The following SLC9A9 variants were observed in gnomAD, a reference collection of about 807,000 sequenced individuals.
The protein encoded by SLC9A9 is solute carrier family 9 member A9.
In SLC9A9, 62 loss-of-function variants were observed where a neutral mutation model predicts 77.8. The observed-to-expected ratio is 0.80, with a 90% CI of 0.65 to 0.98. SLC9A9 has a LOEUF of 0.98. Among genes scored for constraint, SLC9A9 ranks in the 50% least tolerant of loss-of-function variants. SLC9A9 has a pLI of 0.00. For missense variants in SLC9A9, 775 were observed against 774.9 expected (o/e 1.00, Z 0.00); for synonymous variants, 320 against 283.5 (o/e 1.13, Z -1.29).
intron 6 of SLC9A9, among the ~76,000 whole-genome samples, chr3:143,591,943 A>G (rs1047592770): frequency 6.6e-6 from 1 of 152,246 alleles, no homozygotes; most frequent in African/African-American, 2.4e-5. Flanking sequence ...GCATGTGAAC[A>G]ACAAGCAAGG....
rs557635646 is a variant in SLC9A9 at position 143,477,943 on chromosome 3, C to T, written c.1316-10753G>A. ...GGTCAATCCCAGGCAATGTGTTCAG[C>T]GGGTGTTCAGCCTCTTGCCCACTCC... On this transcript the variant is annotated intron_variant, in intron 11 of 15. Transcript: ENST00000316549. Among the ~76,000 whole-genome samples the T allele has an allele frequency of 8.5e-5, 13 of 152,318 alleles. No individual in the cohort carries two copies. In the East Asian group the frequency reaches 1.9e-3, roughly 23 times the overall value.
At chr3:143,822,745 G>T (rs1270630324) in intron 2 of SLC9A9, among the ~76,000 whole-genome samples, 2 of 152,218 alleles carry the variant, frequency 1.3e-5, no homozygotes, top group African/African-American at 2.4e-5. Context: ...ATGGGGAAAA[G>T]AATTGAAAGA....
intron 6 of SLC9A9, chr3:143,626,824 G>C (rs2038337734): frequency 6.6e-6 from 1 of 151,274 alleles, no homozygotes; most frequent in African/African-American, 2.4e-5. Flanking sequence ...TCCCATGACA[G>C]ATAGACAACC....
At chr3:143,272,741 G>C (rs1937931996) in intron 14 of SLC9A9, among the ~76,000 whole-genome samples, 1 of 152,084 alleles carries the variant, frequency 6.6e-6, no homozygotes, top group African/African-American at 2.4e-5. Context: ...TTCCAGAATG[G>C]GGAGGGAGGT....
At position 143,848,098 on chromosome 3, in the gene SLC9A9, T is replaced by C. The variant is rs775737757; in HGVS notation, c.175+50A>G. On this transcript the variant is annotated intron_variant, in intron 1 of 15. Transcript: ENST00000316549. ...TTGCTATCTGAGCACAAGTCTCTAA[T>C]TACGCTCAAGCAACAAGTTTCACAT... The C allele has an allele frequency of 6.4e-6, 10 of 1,552,622 alleles. No homozygotes were observed. In the Admixed American group the frequency reaches 1.0e-4, roughly 16 times the overall value.
chr3:143,721,921 C>T (rs552829536), intron 4 of SLC9A9, among the ~76,000 whole-genome samples: 1 of 152,224 alleles, frequency 6.6e-6, no homozygotes, highest in South Asian at 2.1e-4. Flanking sequence ...TTTTTTTAAA[C>T]AGAAGGTGTT....
intron 12 of SLC9A9, among the ~76,000 whole-genome samples, chr3:143,389,993 G>A (rs1336178505): frequency 2.0e-5 from 3 of 152,200 alleles, no homozygotes; most frequent in South Asian, 4.1e-4. Flanking sequence ...GTGCCCCTCT[G>A]GGTTTCCACC....
At chr3:143,684,144 T>C (rs532533656) in intron 5 of SLC9A9, among the ~76,000 whole-genome samples, 20 of 152,224 alleles carry the variant, frequency 1.3e-4, no homozygotes, top group South Asian at 6.2e-4. Flanking sequence ...CGAACAGTGT[T>C]CTTAATATTC....
intron 6 of SLC9A9, among the ~76,000 whole-genome samples, chr3:143,600,602 A>G (rs16853934): frequency 0.24 from 36,091 of 152,150 alleles, 5,202 homozygotes; most frequent in African/African-American, 0.41. Context: ...TGACATTCTT[A>G]TTCCCTACAT....
At chr3:143,332,457 C>T (rs913722654) in intron 14 of SLC9A9, among the ~76,000 whole-genome samples, 7 of 152,146 alleles carry the variant, frequency 4.6e-5, no homozygotes, top group South Asian at 2.1e-4. Context: ...CCATTTGAAC[C>T]GGTGCACTGG....
intron 14 of SLC9A9, among the ~76,000 whole-genome samples, chr3:143,319,397 G>C (rs925356218): frequency 2.0e-5 from 3 of 152,136 alleles, no homozygotes; most frequent in Non-Finnish European, 4.4e-5. Context: ...CCTTCCCATG[G>C]GGTTTGGGGT....
At chr3:143,390,733 A>T (rs2033542103) in intron 12 of SLC9A9, among the ~76,000 whole-genome samples, 1 of 152,188 alleles carries the variant, frequency 6.6e-6, no homozygotes, top group African/African-American at 2.4e-5. Flanking sequence ...GCACCTGGAA[A>T]ATTGGGTCAC....
intron 3 of SLC9A9, 26 bp from the exon 4 acceptor site, chr3:143,795,103 A>T: frequency 6.3e-7 from 1 of 1,579,600 alleles, no homozygotes; most frequent in Non-Finnish European, 8.7e-7. Flanking sequence ...GATATTTAAT[A>T]GAGTACATCA....
At chr3:143,524,793 C>G (rs961447056) in intron 9 of SLC9A9, among the ~76,000 whole-genome samples, 9 of 152,166 alleles carry the variant, frequency 5.9e-5, no homozygotes, top group African/African-American at 2.2e-4. Context: ...GGATTAATGT[C>G]TATTTTTCAA....
chr3:143,765,005 TTCTTTCTCTCTTTC>T (rs1361449354), intron 4 of SLC9A9, among the ~76,000 whole-genome samples: 6 of 149,164 alleles, frequency 4.0e-5, no homozygotes, highest in Admixed American at 4.0e-4. Context: ...CTTCCTTTCT[TTCTTTCTCTCTTTC>T]TCTTTCTTTC....
chr3:143,724,278 C>G (rs1264050485), intron 4 of SLC9A9, among the ~76,000 whole-genome samples: 1 of 152,216 alleles, frequency 6.6e-6, no homozygotes, highest in Non-Finnish European at 1.5e-5. Context: ...TCCCCTTCCA[C>G]CATGTCAAGA....
intron 2 of SLC9A9, among the ~76,000 whole-genome samples, chr3:143,831,066 A>G (rs1249328008): frequency 6.6e-6 from 1 of 152,160 alleles, no homozygotes; most frequent in Non-Finnish European, 1.5e-5. Context: ...GACTGAGGAA[A>G]AATGGCAGAC....
At chr3:143,808,890 T>TA (rs1379774435) in intron 2 of SLC9A9, among the ~76,000 whole-genome samples, 1 of 152,164 alleles carries the variant, frequency 6.6e-6, no homozygotes, top group African/African-American at 2.4e-5. Flanking sequence ...CAAAAGAAAA[T>TA]AAAATATTTG....
intron 14 of SLC9A9, among the ~76,000 whole-genome samples, chr3:143,331,321 T>C (rs916295870): frequency 1.3e-5 from 2 of 152,236 alleles, no homozygotes; most frequent in African/African-American, 4.8e-5. Context: ...AAAGAAACTC[T>C]GGGAGCTAGA....
Sources: gnomAD v4.1 joint callset for allele counts (sites outside exome capture counted in the v4.1 genomes callset) on GRCh38, gnomAD v4.1.1 for gene constraint, MANE v1.5 for transcripts, NCBI Gene and HGNC (gene_info 2026-07-23, HGNC 2026-07-21) for gene names.